MAPK8: variants seen among roughly 807,000 people sequenced by gnomAD.
The protein encoded by MAPK8 is JUN N-terminal kinase.
MAPK8 carries 13 observed loss-of-function variants against 52.9 expected under a neutral mutation model. That is an observed-to-expected ratio of 0.25 (90% CI 0.16 to 0.39). The LOEUF is 0.39. MAPK8 is among the 10% of genes least tolerant of loss of function. The pLI is 1.00. For missense variants in MAPK8, 300 were observed against 519.2 expected, an observed-to-expected ratio of 0.58 and a Z score of 4.10; for synonymous variants, 191 against 169.8, an observed-to-expected ratio of 1.12 and a Z score of -0.97.
intron 1 of MAPK8, among the ~76,000 whole-genome samples, chr10:48,356,210 A>G (rs1404723891): frequency 2.0e-5 from 3 of 152,238 alleles, no homozygotes; most frequent in Non-Finnish European, 2.9e-5. Flanking sequence ...ATATTAATAT[A>G]TATGTCAATG....
chr10:48,434,452 T>TCA (rs2044666212), intron 11 of MAPK8, among the ~76,000 whole-genome samples: 1 of 152,342 alleles, frequency 6.6e-6, no homozygotes, highest in African/African-American at 2.4e-5. Flanking sequence ...TAAAGACTTT[T>TCA]TTGTAGGGAA....
chr10:48,394,717 T>C (rs1039302137), intron 1 of MAPK8, among the ~76,000 whole-genome samples: 1 of 151,868 alleles, frequency 6.6e-6, no homozygotes, highest in South Asian at 2.1e-4. Flanking sequence ...GTATGGAAAT[T>C]ATAGTTAGGG....
intron 5 of MAPK8, 25 bp from the exon 6 acceptor site, chr10:48,420,130 A>AT (rs764766989): frequency 4.6e-5 from 72 of 1,573,130 alleles, no homozygotes; most frequent in Admixed American, 4.0e-4. Flanking sequence ...CATGGCAGTC[A>AT]TTTTTTAATT....
intron 1 of MAPK8, among the ~76,000 whole-genome samples, chr10:48,321,988 A>G (rs1001921350): frequency 6.6e-6 from 1 of 152,166 alleles, no homozygotes; most frequent in African/African-American, 2.4e-5. Flanking sequence ...TTATGTTGGA[A>G]AATGTTGGAA....
chr10:48,416,294 C>T (rs2043061921), intron 5 of MAPK8, among the ~76,000 whole-genome samples: 2 of 152,178 alleles, frequency 1.3e-5, no homozygotes, highest in Non-Finnish European at 2.9e-5. Flanking sequence ...GCATGGATGG[C>T]TCTTCTTTGC....
intron 2 of MAPK8, among the ~76,000 whole-genome samples, chr10:48,404,453 G>A (rs540289359): frequency 6.6e-6 from 1 of 152,282 alleles, no homozygotes; most frequent in East Asian, 1.9e-4. Context: ...ACTGCACCCA[G>A]CCTCGTATGC....
chr10:48,378,147 T>G (rs2040784747), intron 1 of MAPK8, among the ~76,000 whole-genome samples: 2 of 152,224 alleles, frequency 1.3e-5, no homozygotes, highest in Admixed American at 6.5e-5. Context: ...GAAAGCATTG[T>G]TAATCAAAAT....
chr10:48,314,712 T>C (rs1842333680), intron 1 of MAPK8, among the ~76,000 whole-genome samples: 1 of 152,196 alleles, frequency 6.6e-6, no homozygotes, highest in Admixed American at 6.5e-5. Context: ...TTAAGGGCTG[T>C]TTGTGTTTTC....
intron 1 of MAPK8, among the ~76,000 whole-genome samples, chr10:48,387,352 G>A (rs1045349322): frequency 1.3e-5 from 2 of 152,112 alleles, no homozygotes; most frequent in African/African-American, 2.4e-5. Context: ...CCTCTATTAC[G>A]GAGGGTCTGT....
chr10:48,383,167 TTA>T (rs1387420331), intron 1 of MAPK8, among the ~76,000 whole-genome samples: 1 of 152,056 alleles, frequency 6.6e-6, no homozygotes, highest in Admixed American at 6.6e-5. Context: ...AGAAAAATTT[TTA>T]TGACTTGACC....
intron 1 of MAPK8, among the ~76,000 whole-genome samples, chr10:48,350,777 C>T (rs1846241017): frequency 6.6e-6 from 1 of 152,080 alleles, no homozygotes; most frequent in Non-Finnish European, 1.5e-5. Flanking sequence ...GGCAATCAGG[C>T]AAGAGAAATA....
chr10:48,424,154 G>A lies in MAPK8; in HGVS notation c.683G>A (p.Arg228Lys). Residue 228 changes from arginine (R) to lysine (K), a missense_variant, in exon 7 of 12, where the codon AGG (arginine) becomes AAG (lysine). Physicochemically the swap from Arg to Lys is conservative, Grantham distance 26. Around this residue, in one of 3 missense-constraint regions of MAPK8, gnomAD observed 147 missense variants for 328.1 expected, o/e 0.45. Transcript: ENST00000374189. ...TGCCACAAAATCCTCTTTCCAGGAA[G>A]GGACTGTATCCTTGTGCTGCTGCAG... ...MVCHKILFPG[R>K]DYIDQWNKVI... 16 of 1,612,920 alleles carry A rather than the reference G, an allele frequency of 9.9e-6. No homozygotes were observed. Among genetic ancestry groups the A allele is most frequent in the Non-Finnish European group, 1.4e-5 (16 of 1,179,130 alleles).
intron 1 of MAPK8, among the ~76,000 whole-genome samples, chr10:48,316,535 T>A (rs1378963312): frequency 6.6e-6 from 1 of 152,224 alleles, no homozygotes; most frequent in East Asian, 1.9e-4. Context: ...TAATTTAGTC[T>A]GGTGTCAGAG....
chr10:48,411,530 T>C lies in MAPK8; in HGVS notation c.450+1362T>C, dbSNP rs189852956. On this transcript the variant is annotated intron_variant, in intron 5 of 11. Coordinates refer to ENST00000374189, the MANE Select transcript of MAPK8 (RefSeq NM_001323329.2). The stretch of plus-strand genomic sequence containing the variant: ...ATTATTTTGATCACTTTTAGCTTCG[T>C]AGTAACTTGAAATGGAGAAGTATCA... 1.2e-4 allele frequency among the ~76,000 whole-genome samples: 18 copies of C among 152,346 alleles called. No individual in the cohort carries two copies. In the East Asian group the frequency reaches 3.5e-3, roughly 29 times the overall value.
At chr10:48,364,578 T>C (rs1313085714) in intron 1 of MAPK8, among the ~76,000 whole-genome samples, 2 of 152,202 alleles carry the variant, frequency 1.3e-5, no homozygotes, top group Admixed American at 1.3e-4. Flanking sequence ...CTCTCAATAA[T>C]TTGGAAGACA....
intron 5 of MAPK8, among the ~76,000 whole-genome samples, chr10:48,414,517 A>T (rs2042953649): frequency 6.8e-6 from 1 of 146,530 alleles, no homozygotes; most frequent in African/African-American, 2.5e-5. Context: ...CAGTGGCGTA[A>T]TCATAGTTCA....
intron 1 of MAPK8, among the ~76,000 whole-genome samples, chr10:48,377,889 T>C (rs2040767249): frequency 6.6e-6 from 1 of 152,224 alleles, no homozygotes; most frequent in Non-Finnish European, 1.5e-5. Flanking sequence ...AATGATTTTC[T>C]ATACATTGTT....
At chr10:48,390,853 A>G (rs1020538405) in intron 1 of MAPK8, among the ~76,000 whole-genome samples, 1 of 152,236 alleles carries the variant, frequency 6.6e-6, no homozygotes, top group African/African-American at 2.4e-5. Context: ...TGTTTGTTCT[A>G]ACTCTGTGAA....
At chr10:48,421,741 T>C (rs937037052) in intron 6 of MAPK8, among the ~76,000 whole-genome samples, 12 of 152,044 alleles carry the variant, frequency 7.9e-5, no homozygotes, top group Non-Finnish European at 1.6e-4. Context: ...GAGGTGGAGG[T>C]TACAGTGAGC....
Sources: allele counts gnomAD v4.1 joint callset (sites outside exome capture counted in the v4.1 genomes callset), GRCh38; gene constraint gnomAD v4.1.1; regional missense constraint gnomAD v4.1.1; transcripts MANE v1.5; gene names NCBI Gene and HGNC (gene_info 2026-07-23, HGNC 2026-07-21).